MCU: variants seen among roughly 807,000 people sequenced by gnomAD.
MCU encodes the protein mitochondrial calcium uniporter, also known as calcium uniporter protein, mitochondrial.
Under a neutral mutation model 45.2 loss-of-function variants are expected in MCU, and 12 were observed. That is an observed-to-expected ratio of 0.27 (90% CI 0.17 to 0.43). The LOEUF is 0.43. Among genes scored for constraint, MCU ranks in the 20% least tolerant of loss-of-function variants. MCU has a pLI of 1.00. For missense variants in MCU, 324 were observed against 436.7 expected (o/e 0.74, Z 2.30); for synonymous variants, 160 against 165.1 (o/e 0.97, Z 0.24).
At chr10:72,731,561 G>T (rs1468416670) in intron 1 of MCU, among the ~76,000 whole-genome samples, 1 of 151,890 alleles carries the variant, frequency 6.6e-6, no homozygotes, top group Non-Finnish European at 1.5e-5. Context: ...TCTGATTCCA[G>T]AATGTTTCCA....
At chr10:72,705,834 A>T (rs1188973617) in intron 1 of MCU, among the ~76,000 whole-genome samples, 1 of 150,630 alleles carries the variant, frequency 6.6e-6, no homozygotes, top group Non-Finnish European at 1.5e-5. Context: ...AAAAAAAATT[A>T]GTCGGGTGTG....
chr10:72,788,789 A>G (rs780036853), intron 1 of MCU, among the ~76,000 whole-genome samples: 11 of 152,376 alleles, frequency 7.2e-5, no homozygotes, highest in Middle Eastern at 3.4e-3. Flanking sequence ...GTCACCTAGT[A>G]GCAATTATGT....
At chr10:72,794,899 G>A (rs183313527) in intron 1 of MCU, among the ~76,000 whole-genome samples, 1 of 152,038 alleles carries the variant, frequency 6.6e-6, no homozygotes, top group East Asian at 1.9e-4. Context: ...TATTTTAAAG[G>A]TTCATTCTGG....
At chr10:72,692,652 TG>T in intron 1 of MCU, 4 of 1,168,138 alleles carry the variant, frequency 3.4e-6, no homozygotes, top group Non-Finnish European at 4.2e-6. Flanking sequence ...CAAGGCTCCC[TG>T]AACGGAGCCA....
intron 6 of MCU, among the ~76,000 whole-genome samples, chr10:72,883,789 A>G (rs999486066): frequency 6.6e-6 from 1 of 152,250 alleles, no homozygotes; most frequent in African/African-American, 2.4e-5. Flanking sequence ...TCACAAACCT[A>G]ATACTGAGTG....
At chr10:72,798,999 A>G (rs1214477988) in intron 1 of MCU, among the ~76,000 whole-genome samples, 2 of 152,020 alleles carry the variant, frequency 1.3e-5, no homozygotes, top group Non-Finnish European at 2.9e-5. Flanking sequence ...GCTGGAGTGC[A>G]GTGACCTGAT....
At chr10:72,800,005 T>C (rs1483593160) in intron 1 of MCU, among the ~76,000 whole-genome samples, 2 of 152,176 alleles carry the variant, frequency 1.3e-5, no homozygotes, top group Non-Finnish European at 2.9e-5. Flanking sequence ...TCTGAAATGC[T>C]CCAAAATCCA....
intron 1 of MCU, chr10:72,692,582 C>A: frequency 9.1e-7 from 1 of 1,097,364 alleles, no homozygotes. Context: ...GGACTTGAAC[C>A]TCTCCCCGAC....
intron 1 of MCU, among the ~76,000 whole-genome samples, chr10:72,734,570 G>A (rs1254446107): frequency 1.3e-5 from 2 of 152,068 alleles, no homozygotes; most frequent in Non-Finnish European, 2.9e-5. Flanking sequence ...AAAATTTAAA[G>A]TTAAGATATT....
intron 1 of MCU, among the ~76,000 whole-genome samples, chr10:72,779,260 G>C (rs569787582): frequency 6.6e-6 from 1 of 152,132 alleles, no homozygotes; most frequent in Non-Finnish European, 1.5e-5. Flanking sequence ...GAGCCACTGC[G>C]CCTGGCCTCA....
intron 1 of MCU, among the ~76,000 whole-genome samples, chr10:72,696,695 C>A (rs549076870): frequency 8.5e-4 from 130 of 152,240 alleles, no homozygotes; most frequent in African/African-American, 2.9e-3. Context: ...TAGACTCTAG[C>A]ACAATGCTGG....
At chr10:72,719,012 C>A (rs1303542096) in intron 1 of MCU, among the ~76,000 whole-genome samples, 1 of 152,010 alleles carries the variant, frequency 6.6e-6, no homozygotes, top group African/African-American at 2.4e-5. Flanking sequence ...GAAGGGGGCT[C>A]CTGGGGTGCT....
intron 4 of MCU, among the ~76,000 whole-genome samples, chr10:72,863,585 A>G (rs1845411164): frequency 1.3e-5 from 2 of 152,238 alleles, no homozygotes; most frequent in African/African-American, 2.4e-5. Context: ...TATGTCATGA[A>G]TGCATGAAAT....
At chr10:72,884,458 T>G (rs1027964763) in intron 7 of MCU, 76 bp downstream of exon 7, 1 of 797,188 alleles carries the variant, frequency 1.3e-6, no homozygotes, top group Admixed American at 2.0e-5. Flanking sequence ...GCCACGGTTC[T>G]TCAAATGAGT....
At chr10:72,812,453 T>G (rs1276275826) in intron 1 of MCU, among the ~76,000 whole-genome samples, 1 of 152,166 alleles carries the variant, frequency 6.6e-6, no homozygotes, top group African/African-American at 2.4e-5. Context: ...TACTCCAGAT[T>G]TCTTATACTT....
chr10:72,863,640 G>A (rs1288992643), intron 4 of MCU, among the ~76,000 whole-genome samples: 1 of 151,972 alleles, frequency 6.6e-6, no homozygotes, highest in African/African-American at 2.4e-5. Flanking sequence ...TTTTTGAGAC[G>A]GAGTCTCTCT....
intron 1 of MCU, among the ~76,000 whole-genome samples, chr10:72,727,077 T>G (rs1469720213): frequency 6.6e-6 from 1 of 152,216 alleles, no homozygotes; most frequent in East Asian, 1.9e-4. Context: ...GGCAATAGAT[T>G]TTTATCTTTA....
At chr10:72,744,031 GTATT>G (rs1223254223) in intron 1 of MCU, among the ~76,000 whole-genome samples, 1 of 150,470 alleles carries the variant, frequency 6.6e-6, no homozygotes, top group East Asian at 1.9e-4. Flanking sequence ...ATATGTATGT[GTATT>G]TATATGTATG....
chr10:72,778,708 A>G (rs1280267784), intron 1 of MCU, among the ~76,000 whole-genome samples: 1 of 152,210 alleles, frequency 6.6e-6, no homozygotes, highest in Non-Finnish European at 1.5e-5. Flanking sequence ...GCATGGAAAT[A>G]ATGAAAACGA....
Sources: gnomAD v4.1 joint callset for allele counts (sites outside exome capture counted in the v4.1 genomes callset) on GRCh38, gnomAD v4.1.1 for gene constraint, MANE v1.5 for transcripts, NCBI Gene and HGNC (gene_info 2026-07-23, HGNC 2026-07-21) for gene names.